KHDRBS2: variants seen among roughly 807,000 people sequenced by gnomAD.
KHDRBS2 encodes the protein KH RNA binding domain containing, signal transduction associated 2, also known as KH domain-containing, RNA-binding, signal transduction-associated protein 2.
In KHDRBS2, 26 loss-of-function variants were observed where a neutral mutation model predicts 44.3. The observed-to-expected ratio is 0.59, with a 90% confidence interval of 0.43 to 0.81. The LOEUF (loss-of-function observed/expected upper bound fraction) is 0.81. Among genes scored for constraint, KHDRBS2 ranks in the 40% least tolerant of loss-of-function variants. The pLI, the probability that KHDRBS2 is intolerant of heterozygous loss-of-function variation, is 0.00. For missense variants in KHDRBS2, 476 were observed against 433.1 expected, an observed-to-expected ratio of 1.10 and a Z score of -0.88; for synonymous variants, 194 against 151.1, an observed-to-expected ratio of 1.28 and a Z score of -2.08.
chr6:61,588,403 A>T, the KHDRBS2 span, among the ~76,000 whole-genome samples: 1 of 152,218 alleles, frequency 6.6e-6, no homozygotes, highest in South Asian at 2.1e-4. Context: ...TTTAACCTCC[A>T]TTATGGTGAC....
intron 1 of KHDRBS2, among the ~76,000 whole-genome samples, chr6:62,217,867 G>T (rs1458589783): frequency 1.3e-5 from 2 of 151,780 alleles, no homozygotes; most frequent in Non-Finnish European, 2.9e-5. Context: ...ATTGACACTA[G>T]GGCAGAGATT....
Position 62,280,593 on chromosome 6 carries a change from T to C in KHDRBS2, c.91+5265A>G, listed in dbSNP as rs369535476. Reference sequence around the variant, plus strand: ...GCCAAACCGAATAATTCTAAAAAGGTAAATTAAGAAAGTGAGGCAGCTAGT... The same window carrying C: ...GCCAAACCGAATAATTCTAAAAAGGCAAATTAAGAAAGTGAGGCAGCTAGT... On this transcript the variant is annotated intron_variant, in intron 1 of 8. Transcript: ENST00000281156. Among the ~76,000 whole-genome samples, 338 of 152,132 alleles carry C rather than the reference T, an allele frequency of 2.2e-3. 1 individual carries two copies. Among genetic ancestry groups the C allele is most frequent in the African/African-American group, 7.9e-3 (327 of 41,506 alleles).
chr6:61,803,486 C>A (rs75100794), intron 6 of KHDRBS2, among the ~76,000 whole-genome samples: 6 of 152,100 alleles, frequency 3.9e-5, no homozygotes, highest in Non-Finnish European at 8.8e-5. Context: ...CTAAATTGTA[C>A]GTACTATATG....
chr6:61,956,842 G>T (rs576788192), intron 4 of KHDRBS2, among the ~76,000 whole-genome samples: 11 of 151,928 alleles, frequency 7.2e-5, no homozygotes, highest in Non-Finnish European at 2.9e-5. Flanking sequence ...TTTTTTTAAG[G>T]TCTGAGTTAA....
the KHDRBS2 span, among the ~76,000 whole-genome samples, chr6:61,631,833 T>G: frequency 2.2e-4 from 33 of 152,116 alleles, no homozygotes; most frequent in African/African-American, 7.5e-4. Flanking sequence ...GATTCTGAGT[T>G]TGTCTCCAGT....
intron 2 of KHDRBS2, among the ~76,000 whole-genome samples, chr6:62,154,360 A>G (rs1175763126): frequency 6.6e-6 from 1 of 152,186 alleles, no homozygotes; most frequent in African/African-American, 2.4e-5. Flanking sequence ...ATTTGAGTAG[A>G]AGAAAAAGGA....
chr6:61,732,461 A>G (rs1774637299), intron 7 of KHDRBS2, among the ~76,000 whole-genome samples: 1 of 152,184 alleles, frequency 6.6e-6, no homozygotes, highest in African/African-American at 2.4e-5. Context: ...TGCCATAATC[A>G]TCTAGTCTTA....
chr6:61,563,722 G>A, the KHDRBS2 span, among the ~76,000 whole-genome samples: 3 of 152,150 alleles, frequency 2.0e-5, no homozygotes, highest in East Asian at 3.9e-4. Context: ...TACAAAATGT[G>A]TAGTCATTAA....
chr6:61,582,793 G>A, the KHDRBS2 span, among the ~76,000 whole-genome samples: 1 of 151,386 alleles, frequency 6.6e-6, no homozygotes, highest in South Asian at 2.1e-4. Flanking sequence ...TCTTGGTCCT[G>A]TTTTTCTCTA....
At chr6:61,948,574 T>G (rs1259285892) in intron 4 of KHDRBS2, among the ~76,000 whole-genome samples, 10 of 151,718 alleles carry the variant, frequency 6.6e-5, no homozygotes, top group African/African-American at 2.4e-4. Flanking sequence ...TCTTATAAAA[T>G]GAGATTGTAA....
At chr6:61,912,711 C>T (rs1018430664) in intron 4 of KHDRBS2, among the ~76,000 whole-genome samples, 3 of 152,166 alleles carry the variant, frequency 2.0e-5, no homozygotes, top group Non-Finnish European at 4.4e-5. Context: ...AAGAGCACTA[C>T]AGTCAGCTGA....
At chr6:61,943,019 A>G (rs1562485884) in intron 4 of KHDRBS2, among the ~76,000 whole-genome samples, 1 of 146,368 alleles carries the variant, frequency 6.8e-6, no homozygotes, top group Non-Finnish European at 1.5e-5. Context: ...AGAGAGAGAG[A>G]AAGGAAGGAA....
chr6:61,882,264 C>T (rs1391651159), intron 6 of KHDRBS2, among the ~76,000 whole-genome samples: 3 of 151,982 alleles, frequency 2.0e-5, no homozygotes, highest in African/African-American at 7.2e-5. Context: ...TTCTATCTGG[C>T]ACTCACACCA....
At chr6:61,980,369 C>T (rs1583934043) in intron 3 of KHDRBS2, among the ~76,000 whole-genome samples, 1 of 152,158 alleles carries the variant, frequency 6.6e-6, no homozygotes, top group South Asian at 2.1e-4. Context: ...CTTCTAGATC[C>T]TCCTGTGAGG....
At chr6:62,263,042 G>A (rs2150182869) in intron 1 of KHDRBS2, among the ~76,000 whole-genome samples, 1 of 151,724 alleles carries the variant, frequency 6.6e-6, no homozygotes, top group East Asian at 1.9e-4. Context: ...AAAATTACAT[G>A]AAACAAACCT....
intron 1 of KHDRBS2, among the ~76,000 whole-genome samples, chr6:62,195,934 G>A (rs957292513): frequency 1.1e-4 from 16 of 152,080 alleles, no homozygotes; most frequent in African/African-American, 3.9e-4. Context: ...TAAACAATTA[G>A]AAACATTGCT....
At chr6:61,966,846 A>T (rs62416679) in intron 4 of KHDRBS2, among the ~76,000 whole-genome samples, 2 of 151,742 alleles carry the variant, frequency 1.3e-5, no homozygotes, top group Non-Finnish European at 2.9e-5. Context: ...CCTATCATGC[A>T]CTTAGAGAAA....
intron 2 of KHDRBS2, among the ~76,000 whole-genome samples, chr6:62,063,909 G>A (rs1378063792): frequency 7.2e-6 from 1 of 138,338 alleles, no homozygotes; most frequent in African/African-American, 2.7e-5. Flanking sequence ...ATCTCCTTAA[G>A]CTGATAAGCA....
At chr6:61,898,864 A>C (rs1270282418) in intron 5 of KHDRBS2, among the ~76,000 whole-genome samples, 1 of 151,952 alleles carries the variant, frequency 6.6e-6, no homozygotes, top group Non-Finnish European at 1.5e-5. Context: ...GAAAAAATTG[A>C]GATGAAATGG....
Sources: allele counts gnomAD v4.1 joint callset (sites outside exome capture counted in the v4.1 genomes callset), GRCh38; gene constraint gnomAD v4.1.1; transcripts MANE v1.5; gene names NCBI Gene and HGNC (gene_info 2026-07-23, HGNC 2026-07-21).